Variants in PPP3CA observed in about 807,000 individuals in gnomAD.
The protein encoded by PPP3CA is CAM-PRP catalytic subunit.
In PPP3CA, 14 loss-of-function variants were observed where a neutral mutation model predicts 66.5. That is an observed-to-expected ratio of 0.21 (90% CI 0.14 to 0.33). The LOEUF (loss-of-function observed/expected upper bound fraction) is 0.33. Among genes scored for constraint, PPP3CA ranks in the 10% least tolerant of loss-of-function variants. The pLI is 1.00. For missense variants in PPP3CA, 317 were observed against 639.5 expected (o/e 0.50, Z 5.44); for synonymous variants, 232 against 226.2 (o/e 1.03, Z -0.23).
In PPP3CA at chr4:101,228,708, C is replaced by T. The variant is rs538767505; in HGVS notation, c.59-32592G>A. 1.1e-3 allele frequency among the ~76,000 whole-genome samples: 166 copies of T among 151,592 alleles called. 3 individuals carry two copies. The highest frequency in any genetic ancestry group is 2.3e-3 in the South Asian group (11 of 4,816). ...AACAGCCAACTATCAAAGATTTTAA[C>T]TTTGGAATGGGGTAGGGACAGGGAA... On this transcript the variant is annotated intron_variant, in intron 1 of 13. Transcript: ENST00000394854.
chr4:101,182,438 G>C (rs898612872), intron 2 of PPP3CA, among the ~76,000 whole-genome samples: 7 of 152,122 alleles, frequency 4.6e-5, no homozygotes, highest in Admixed American at 1.3e-4. Flanking sequence ...GCCTGCTCTT[G>C]AGCATTGTAC....
intron 8 of PPP3CA, among the ~76,000 whole-genome samples, chr4:101,070,828 AGCT>A (rs1485489396): frequency 6.6e-6 from 1 of 152,218 alleles, no homozygotes; most frequent in Non-Finnish European, 1.5e-5. Flanking sequence ...CTTTGTATGT[AGCT>A]CAAGTCCAGT....
In PPP3CA at chr4:101,249,448, A is replaced by G. The variant is rs2110242704; in HGVS notation, c.59-53332T>C. On this transcript the variant is annotated intron_variant, in intron 1 of 13. Transcript: ENST00000394854. Reference sequence around the variant, plus strand: ...ATTACCTTGGAACAAGATTGCTAGAAATTTTCACCCATTGCAAAAGGAAAG... The same window carrying G: ...ATTACCTTGGAACAAGATTGCTAGAGATTTTCACCCATTGCAAAAGGAAAG... Among the ~76,000 whole-genome samples the G allele has an allele frequency of 1.3e-5, 2 of 152,246 alleles. 1 individual carries two copies. The highest frequency in any genetic ancestry group is 4.1e-4 in the South Asian group (2 of 4,826).
intron 2 of PPP3CA, among the ~76,000 whole-genome samples, chr4:101,138,270 G>T (rs114414979): frequency 0.013 from 1,999 of 152,218 alleles, 38 homozygotes; most frequent in African/African-American, 0.045. Context: ...TAACTGATTT[G>T]AATCTTGGCT....
intron 1 of PPP3CA, among the ~76,000 whole-genome samples, chr4:101,268,379 T>C (rs1031690628): frequency 2.7e-4 from 41 of 152,268 alleles, no homozygotes; most frequent in African/African-American, 9.6e-4. Context: ...ATTCTTAAGC[T>C]GGTACACAGT....
At chr4:101,047,441 T>G (rs2110215328) in intron 10 of PPP3CA, among the ~76,000 whole-genome samples, 1 of 152,320 alleles carries the variant, frequency 6.6e-6, no homozygotes, top group East Asian at 1.9e-4. Context: ...TATATTACTC[T>G]GTTACCAATG....
chr4:101,107,500 T>C (rs915799735), intron 3 of PPP3CA, among the ~76,000 whole-genome samples: 1 of 152,228 alleles, frequency 6.6e-6, no homozygotes, highest in Non-Finnish European at 1.5e-5. Context: ...GAATTTAACT[T>C]CTCTTTTGGG....
At chr4:101,206,540 T>C (rs1248605451) in intron 1 of PPP3CA, among the ~76,000 whole-genome samples, 1 of 152,190 alleles carries the variant, frequency 6.6e-6, no homozygotes, top group African/African-American at 2.4e-5. Context: ...AGGAAAGAGA[T>C]TGCTGGAATT....
At chr4:101,213,435 A>G (rs1725367086) in intron 1 of PPP3CA, among the ~76,000 whole-genome samples, 1 of 152,184 alleles carries the variant, frequency 6.6e-6, no homozygotes, top group African/African-American at 2.4e-5. Flanking sequence ...CAAACCAATG[A>G]TGGATAAGTA....
intron 2 of PPP3CA, among the ~76,000 whole-genome samples, chr4:101,171,432 C>T (rs558887942): frequency 7.3e-5 from 11 of 151,688 alleles, no homozygotes; most frequent in East Asian, 3.9e-4. Context: ...TGTGAAGTTC[C>T]GCTACATGAC....
intron 1 of PPP3CA, among the ~76,000 whole-genome samples, chr4:101,227,436 G>T (rs762689250): frequency 1.3e-5 from 2 of 151,672 alleles, no homozygotes; most frequent in Non-Finnish European, 3.0e-5. Flanking sequence ...AGTTGAAAAG[G>T]AAATGTACCT....
chr4:101,260,137 C>T (rs1193960682), intron 1 of PPP3CA, among the ~76,000 whole-genome samples: 1 of 152,044 alleles, frequency 6.6e-6, no homozygotes, highest in African/African-American at 2.4e-5. Context: ...CTTCTGAATA[C>T]GGGGCAAATC....
At chr4:101,068,701 T>C (rs1404565905) in intron 8 of PPP3CA, among the ~76,000 whole-genome samples, 5 of 152,162 alleles carry the variant, frequency 3.3e-5, no homozygotes, top group Non-Finnish European at 5.9e-5. Context: ...ACCTCCTTTT[T>C]TTCCCCTTCA....
intron 2 of PPP3CA, among the ~76,000 whole-genome samples, chr4:101,114,802 T>C (rs1721789507): frequency 6.6e-6 from 1 of 152,052 alleles, no homozygotes; most frequent in Non-Finnish European, 1.5e-5. Context: ...GTTGAAGCAT[T>C]TTGAGGTTTG....
chr4:101,064,792 G>A (rs1728612314), intron 8 of PPP3CA, among the ~76,000 whole-genome samples: 1 of 152,034 alleles, frequency 6.6e-6, no homozygotes, highest in African/African-American at 2.4e-5. Context: ...AATCATCTAG[G>A]TTGGTTTGAA....
intron 1 of PPP3CA, among the ~76,000 whole-genome samples, chr4:101,210,474 G>C (rs1725267241): frequency 6.6e-6 from 1 of 152,048 alleles, no homozygotes; most frequent in African/African-American, 2.4e-5. Flanking sequence ...AAAGTGCTTG[G>C]ACCATTGAAG....
chr4:101,192,669 T>C (rs1244578610), intron 2 of PPP3CA, among the ~76,000 whole-genome samples: 2 of 152,214 alleles, frequency 1.3e-5, no homozygotes, highest in South Asian at 2.1e-4. Context: ...CATAGTACAA[T>C]TGTACTTATC....
chr4:101,128,867 C>T (rs1025672804), intron 2 of PPP3CA, among the ~76,000 whole-genome samples: 6 of 152,034 alleles, frequency 3.9e-5, no homozygotes, highest in African/African-American at 1.4e-4. Context: ...TTTTCATACC[C>T]CAGTGGTGGC....
At chr4:101,221,719 T>C (rs1485674065) in intron 1 of PPP3CA, among the ~76,000 whole-genome samples, 1 of 151,642 alleles carries the variant, frequency 6.6e-6, no homozygotes, top group Non-Finnish European at 1.5e-5. Flanking sequence ...TGAATGTCAA[T>C]CTTAAGGATG....
Sources: gnomAD v4.1 joint callset for allele counts (sites outside exome capture counted in the v4.1 genomes callset) on GRCh38, gnomAD v4.1.1 for gene constraint, MANE v1.5 for transcripts, NCBI Gene and HGNC (gene_info 2026-07-23, HGNC 2026-07-21) for gene names.